The following SCART1 variants were observed in gnomAD, a reference collection of about 807,000 sequenced individuals.
SCART1 encodes scavenger receptor family member expressed on T cells 1.
Under a neutral mutation model 36.2 loss-of-function variants are expected in SCART1, and 62 were observed. That is an observed-to-expected ratio of 1.71 (90% CI 1.40 to 2.12). SCART1 has a LOEUF of 2.12. Among genes scored for constraint, SCART1 ranks in the 30% most tolerant of loss-of-function variants. The pLI is 0.00. For synonymous variants in SCART1, 487 were observed against 238.7 expected (o/e 2.04, Z -9.59); for missense variants, 1,041 against 540.5 (o/e 1.93, Z -9.18).
At chr10:133,464,833 C>T (rs757529731) in exon 7 of SCART1, 14 of 702,776 alleles carry the variant, frequency 2.0e-5, no homozygotes, top group African/African-American at 1.9e-4. Flanking sequence ...ACATCGAGTG[C>T]CGCAGGCTGC....
intron 9 of SCART1, 144 bp from the exon 10 acceptor site, chr10:133,466,091 C>A: frequency 1.6e-6 from 1 of 627,372 alleles, no homozygotes; most frequent in Admixed American, 2.6e-5. Context: ...CAGCTGAAAC[C>A]AGCAGATGCC....
intron 1 of SCART1, among the ~76,000 whole-genome samples, chr10:133,455,343 TG>T (rs1166057885): frequency 6.6e-6 from 1 of 151,874 alleles, no homozygotes; most frequent in East Asian, 1.9e-4. Context: ...ATGAGGAGGC[TG>T]GGGGGTGTGG....
exon 2 of SCART1, chr10:133,456,328 C>T (rs1340249954): frequency 2.8e-6 from 2 of 702,966 alleles, no homozygotes; most frequent in Middle Eastern, 2.3e-4. Flanking sequence ...GATACGTGTG[C>T]AACCAGGAGT....
chr10:133,459,467 C>T lies in SCART1; in HGVS notation c.1286-20C>T, dbSNP rs1205431304. 15 of 622,830 alleles carry T rather than the reference C, an allele frequency of 2.4e-5. No individual in the cohort carries two copies. The highest frequency in any genetic ancestry group is 3.0e-4 in the Middle Eastern group (1 of 3,366). 38.6% of individuals were successfully genotyped at this position (622,830 alleles called of 1,614,324 possible). ...TCCCTCCCGCTGACATCTTGGGCCC[C>T]TGTGCGTCCCCATCCCCAGGTCTGG... On this transcript the variant is annotated intron_variant, in intron 5 of 11. Coordinates refer to ENST00000640237, the Ensembl canonical transcript of SCART1.
chr10:133,459,823 C>T (rs1364580963), exon 6 of SCART1: 3 of 583,708 alleles, frequency 5.1e-6, no homozygotes, highest in Non-Finnish European at 6.1e-6. Flanking sequence ...GGAACCGCGT[C>T]CCCCATGGCC....
Position 133,458,512 on chromosome 10 carries a change from G to T in SCART1, c.835G>T (p.Glu279Ter), listed in dbSNP as rs984164708. The T allele has an allele frequency of 1.5e-6, 1 of 676,596 alleles. No individual in the cohort carries two copies. 41.9% of individuals were successfully genotyped at this position (676,596 alleles called of 1,614,324 possible). A position where few individuals can be genotyped will look rare whatever the true frequency, so the allele number is the denominator to read the frequency against. Residue 279 changes from glutamate to a stop codon, truncating the protein, a stop_gained, in exon 4 of 12, where the codon GAG becomes TAG. Transcript: ENST00000640237. LOFTEE classifies it high-confidence loss of function. The stretch of plus-strand genomic sequence containing the variant: ...GTGTGGGGCGGTCGTGTCCACGCCC[G>T]AGGGCGCCCGCTTCGGCCGGGGCTC...
intron 6 of SCART1, among the ~76,000 whole-genome samples, chr10:133,460,553 T>TTATTTA (rs1850690509): frequency 6.7e-6 from 1 of 149,878 alleles, no homozygotes; most frequent in South Asian, 2.1e-4. Flanking sequence ...ATTTATTTAT[T>TTATTTA]TTGAGACGGT....
At chr10:133,462,492 A>G (rs1362857253) in intron 6 of SCART1, among the ~76,000 whole-genome samples, 1 of 152,242 alleles carries the variant, frequency 6.6e-6, no homozygotes, top group Non-Finnish European at 1.5e-5. Flanking sequence ...AGAAAAAACC[A>G]TCTGTAATCC....
At chr10:133,460,143 AAGG>A in exon 6 of SCART1, 1 of 510,730 alleles carries the variant, frequency 2.0e-6, no homozygotes, top group Non-Finnish European at 3.4e-6. Flanking sequence ...CTGGAGGCAC[AAGG>A]AGGACGCCGG....
intron 3 of SCART1, 195 bp from the exon 4 acceptor site, chr10:133,458,165 G>A (rs1164458637): frequency 3.2e-5 from 22 of 698,206 alleles, no homozygotes; most frequent in African/African-American, 3.5e-5. Flanking sequence ...TTGGTGATGC[G>A]GCCAAGGACG....
intron 10 of SCART1, 49 bp from the exon 11 acceptor site, chr10:133,467,149 C>T: frequency 3.2e-6 from 2 of 618,944 alleles, no homozygotes; most frequent in Non-Finnish European, 5.9e-6. Context: ...TTGCCTGTGG[C>T]CACATCCACA....
At chr10:133,454,008 C>T (rs1383026465) in exon 1 of SCART1, 1 of 703,020 alleles carries the variant, frequency 1.4e-6, no homozygotes, top group South Asian at 1.5e-5. Context: ...ATGAGGGCAG[C>T]TCTCTGGACC....
chr10:133,459,805 G>A, exon 6 of SCART1: 1 of 648,926 alleles, frequency 1.5e-6, no homozygotes, highest in African/African-American at 1.9e-5. Flanking sequence ...GTGTGCTCCG[G>A]TGAGGTCGGA....
At chr10:133,464,853 C>G in exon 7 of SCART1, 1 of 702,946 alleles carries the variant, frequency 1.4e-6, no homozygotes, top group Non-Finnish European at 2.6e-6. Context: ...CCCAACTCCA[C>G]TCTGTGGCAA....
chr10:133,456,600 GTGGGAGGACGAGGAGGAGGAC>G (rs1259637542), intron 2 of SCART1, 46 bp downstream of exon 2: 63 of 618,886 alleles, frequency 1.0e-4, no homozygotes, highest in Admixed American at 3.9e-4. Flanking sequence ...AGGAGGAGGA[GTGGGAGGACGAGGAGGAGGAC>G]TGGGAGGACG....
In SCART1 at chr10:133,456,630, C is replaced by T. The variant is rs554579953; in HGVS notation, c.385+76C>T. The T allele has an allele frequency of 2.1e-4, 124 of 593,172 alleles. 2 individuals carry two copies. Among genetic ancestry groups the T allele is most frequent in the South Asian group, 1.5e-3 (74 of 49,788 alleles). The allele number at this position is 593,172 out of a possible 1,614,324, so 36.7% of individuals were successfully genotyped here. On this transcript the variant is annotated intron_variant, in intron 2 of 11. Transcript: ENST00000640237. ...AGGACGAGGAGGAGGACTGGGAGGACGCAGAGGAGGACTGGGAGGATGGCG... is the reference window on the plus strand; with the variant it reads ...AGGACGAGGAGGAGGACTGGGAGGATGCAGAGGAGGACTGGGAGGATGGCG...
chr10:133,458,421 C>G, exon 4 of SCART1: 1 of 701,222 alleles, frequency 1.4e-6, no homozygotes, highest in Non-Finnish European at 2.6e-6. Context: ...TGGAGGTGAC[C>G]TGGGGCACCG....
At chr10:133,464,868 C>T (rs1850744689) in exon 7 of SCART1, 2 of 702,836 alleles carry the variant, frequency 2.8e-6, no homozygotes, top group African/African-American at 1.7e-5. Flanking sequence ...TGGCAATGCC[C>T]TTCCCACCCA....
At chr10:133,455,090 A>G (rs1471085394) in intron 1 of SCART1, among the ~76,000 whole-genome samples, 1 of 152,144 alleles carries the variant, frequency 6.6e-6, no homozygotes, top group African/African-American at 2.4e-5. Context: ...AACATGGTGA[A>G]ACCCCATCTC....
Sources: allele counts gnomAD v4.1 joint callset (sites outside exome capture counted in the v4.1 genomes callset), GRCh38; gene constraint gnomAD v4.1.1; transcripts MANE v1.5; gene names NCBI Gene and HGNC (gene_info 2026-07-23, HGNC 2026-07-21).